The following CASZ1 variants were observed in gnomAD, a reference collection of about 807,000 sequenced individuals.
CASZ1 encodes castor zinc finger 1.
A neutral mutation model predicts 135.2 loss-of-function variants in CASZ1; 28 were observed. The observed-to-expected ratio is 0.21, with a 90% CI of 0.15 to 0.28. The LOEUF (loss-of-function observed/expected upper bound fraction) is 0.28, where lower values mean the gene tolerates loss of function less well. Among genes scored for constraint, CASZ1 ranks in the 10% least tolerant of loss-of-function variants. The pLI is 1.00. For missense variants in CASZ1, 2,161 were observed against 2,453.3 expected, an observed-to-expected ratio of 0.88 and a Z score of 2.52; for synonymous variants, 1,068 against 1,073.4, an observed-to-expected ratio of 0.99 and a Z score of 0.10.
At chr1:10,650,043 A>G (rs75711411) in intron 13 of CASZ1, 2,477 of 153,098 alleles carry the variant, frequency 0.016, 49 homozygotes, top group African/African-American at 0.043. Context: ...AGTGGATGCC[A>G]CGGACCAGTG....
chr1:10,739,606 C>T lies in CASZ1; in HGVS notation c.-77+21095G>A, dbSNP rs1397930989. Among the ~76,000 whole-genome samples, 2 of 152,188 alleles carry T rather than the reference C, an allele frequency of 1.3e-5. No individual in the cohort carries two copies. Among genetic ancestry groups the T allele is most frequent in the African/African-American group, 4.8e-5 (2 of 41,458 alleles). ...CCACTCCCCAAAGAGCCTTCAGGGGCCTTCTTGTCGTTGATCAAAACAACA... is the reference window on the plus strand; with the variant it reads ...CCACTCCCCAAAGAGCCTTCAGGGGTCTTCTTGTCGTTGATCAAAACAACA... On this transcript the variant is annotated intron_variant, in intron 2 of 20. Transcript: ENST00000377022. This position sits in a 1 kb window ranked among gnomAD's most constrained non-coding sequence, Gnocchi z 4.8.
chr1:10,638,991 G>A lies in CASZ1; in HGVS notation c.5231C>T (p.Ala1744Val). The change falls in exon 21 of 21, where the codon GCG becomes GTG. Residue 1744 changes from alanine to valine, a missense_variant. Ala to Val is a moderately conservative substitution (Grantham distance 64). Around this residue, in one of 7 missense-constraint regions of CASZ1, gnomAD observed 185 missense variants for 134.7 expected, o/e 1.37. Coordinates refer to ENST00000377022, the MANE Select transcript of CASZ1 (RefSeq NM_001079843.3). This position sits in a 1 kb window ranked among gnomAD's most constrained non-coding sequence, Gnocchi z 5.9. Reference protein sequence around the residue: ...GARTPALAALAALGAPGPAPT... With the variant: ...GARTPALAALVALGAPGPAPT... The stretch of plus-strand genomic sequence containing the variant: ...CGCGGGGCCGGGGGCGCCCAGGGCC[G>A]CCAGCGCCGCCAAGGCCGGGGTCCG... 1 of 982,320 alleles carries A rather than the reference G, an allele frequency of 1.0e-6. No homozygotes were observed. The highest frequency in any genetic ancestry group is 1.2e-6 in the Non-Finnish European group (1 of 829,398). The allele number at this position is 982,320 out of a possible 1,614,324, so 60.9% of individuals were successfully genotyped here. A position where few individuals can be genotyped will look rare whatever the true frequency, so the allele number is the denominator to read the frequency against.
intron 1 of CASZ1, among the ~76,000 whole-genome samples, chr1:10,761,300 C>T (rs1012157913): frequency 3.9e-5 from 6 of 152,242 alleles, no homozygotes; most frequent in Admixed American, 6.5e-5. Context: ...CTGCTCCCTC[C>T]AGACTTTCCC....
chr1:10,750,431 C>A (rs544932542), intron 2 of CASZ1, among the ~76,000 whole-genome samples: 1 of 152,022 alleles, frequency 6.6e-6, no homozygotes, highest in East Asian at 1.9e-4. Flanking sequence ...CAGGTGCGTG[C>A]GCCACCACAC....
intron 4 of CASZ1, among the ~76,000 whole-genome samples, chr1:10,681,200 C>CT (rs58517587): frequency 0.049 from 7,209 of 146,376 alleles, 222 homozygotes; most frequent in Middle Eastern, 0.12. Context: ...CGTGCCTGAC[C>CT]TTTTTTTTTT....
At position 10,637,566 on chromosome 1, in the gene CASZ1, C is replaced by T. The variant is rs1364333553; in HGVS notation, c.*1376G>A. ...CCTAGGCCTGTTCTCTCCCGGTGGC[C>T]CAATCTGACACCAGCTGGTGGCCTG... On this transcript the variant is annotated 3_prime_UTR_variant, in exon 21 of 21. Coordinates refer to ENST00000377022, the MANE Select transcript of CASZ1 (RefSeq NM_001079843.3). The T allele has an allele frequency of 6.6e-6, 1 of 152,392 alleles. No individual in the cohort carries two copies. Among genetic ancestry groups the T allele is most frequent in the African/African-American group, 2.4e-5 (1 of 41,448 alleles). The allele number at this position is 152,392 out of a possible 1,614,324, so 9.4% of individuals were successfully genotyped here.
rs975789581 is a variant in CASZ1, at chr1:10,699,689, G to A, written c.-23-5777C>T. Among the ~76,000 whole-genome samples the A allele has an allele frequency of 1.8e-4, 27 of 152,216 alleles. No homozygotes were observed. The highest frequency in any genetic ancestry group is 6.5e-4 in the African/African-American group (27 of 41,508). ...AATAAATATCCAAACTGGCCCGGCC[G>A]GATCCTCCACTTTGGAGGGAGAGAG... On this transcript the variant is annotated intron_variant, in intron 3 of 20. Coordinates refer to ENST00000377022, the MANE Select transcript of CASZ1 (RefSeq NM_001079843.3). The surrounding 1 kb of genome is among the most constrained non-coding windows in gnomAD (Gnocchi z 4.6).
Position 10,762,620 on chromosome 1 carries a change from T to G in CASZ1, c.-233-1763A>C, listed in dbSNP as rs779680919. 1.2e-4 allele frequency among the ~76,000 whole-genome samples: 18 copies of G among 152,080 alleles called. No homozygotes were observed. The highest frequency in any genetic ancestry group is 2.4e-4 in the Non-Finnish European group (16 of 68,006). On this transcript the variant is annotated intron_variant, in intron 1 of 20. Coordinates refer to ENST00000377022, the MANE Select transcript of CASZ1 (RefSeq NM_001079843.3). This position sits in a 1 kb window ranked among gnomAD's most constrained non-coding sequence, Gnocchi z 4.1. Reference sequence around the variant, plus strand: ...TACACTCCTACTCCAAGAATCTCCATCTGCTGGGGGTCTCCACTCCAATAT... The same window carrying G: ...TACACTCCTACTCCAAGAATCTCCAGCTGCTGGGGGTCTCCACTCCAATAT...
At chr1:10,712,283 T>A (rs1639301296) in intron 2 of CASZ1, among the ~76,000 whole-genome samples, 1 of 152,034 alleles carries the variant, frequency 6.6e-6, no homozygotes, top group Non-Finnish European at 1.5e-5. Flanking sequence ...GAGGTGGAAG[T>A]TGCAGTGAGC....
Position 10,639,250 on chromosome 1 carries a change from C to T in CASZ1, c.4972G>A (p.Gly1658Arg), listed in dbSNP as rs1456548486. Residue 1658 changes from glycine (G) to arginine (R), a missense_variant, in exon 21 of 21, where the codon GGG (glycine) becomes AGG (arginine). Around this residue, in one of 7 missense-constraint regions of CASZ1, gnomAD observed 185 missense variants for 134.7 expected, o/e 1.37. Coordinates refer to ENST00000377022, the MANE Select transcript of CASZ1 (RefSeq NM_001079843.3). This position sits in a 1 kb window ranked among gnomAD's most constrained non-coding sequence, Gnocchi z 4.0. ...DPGPPDAAAP[G>R]PREGAAAAAA... is the part of the protein sequence containing the mutation. ...GCGGCGGCGGCGCCCTCGCGCGGCC[C>T]GGGGGCGGCGGCGTCGGGCGGGCCG... 4.2e-6 allele frequency: 4 copies of T among 948,380 alleles called. No homozygotes were observed. The highest frequency in any genetic ancestry group is 9.5e-5 in the South Asian group (2 of 21,148). The allele number at this position is 948,380 out of a possible 1,614,324, so 58.7% of individuals were successfully genotyped here.
At position 10,655,718 on chromosome 1, in the gene CASZ1, C is replaced by G. The variant is rs1487250945; in HGVS notation, c.1596G>C (p.Leu532=). The change falls in exon 9 of 21, where the codon CTG becomes CTC. Residue 532 remains leucine, a synonymous_variant. Coordinates refer to ENST00000377022, the MANE Select transcript of CASZ1 (RefSeq NM_001079843.3). ...LQHGFMRFSP[L]DDCSVYYHGC... The stretch of plus-strand genomic sequence containing the variant: ...CGTGGTAGTAGACGCTGCAGTCGTC[C>G]AGCGGGCTGAAACGCATGAAGCCGT... The G allele has an allele frequency of 6.2e-7, 1 of 1,614,070 alleles. No individual in the cohort carries two copies. Among genetic ancestry groups the G allele is most frequent in the Non-Finnish European group, 8.5e-7 (1 of 1,180,012 alleles).
In CASZ1 at chr1:10,660,179, T is replaced by A. The variant is rs1642969053; in HGVS notation, c.863A>T (p.Lys288Met). ...CGACGGCAGGGGCAGGATGGTGGCC[T>A]TGGTCTCCAGGTGGGCCGTGCTGCT... ...LPSSTAHLET[K>M]ATILPLPSHS... Residue 288 changes from lysine to methionine, a missense_variant, in exon 6 of 21, where the codon AAG becomes ATG. Lys to Met is a moderately conservative substitution (Grantham distance 95, BLOSUM62 -1). This residue lies in a region of CASZ1 where 590 missense variants were observed against 609.8 expected (regional missense o/e 0.97). Coordinates refer to ENST00000377022, the MANE Select transcript of CASZ1 (RefSeq NM_001079843.3). 6.2e-7 allele frequency: 1 copy of A among 1,613,644 alleles called. No homozygotes were observed. The highest frequency in any genetic ancestry group is 1.7e-5 in the Admixed American group (1 of 60,008).
rs564447983 is a variant in CASZ1, at chr1:10,640,073, G to A, written c.4163-14C>T. On this transcript the variant is annotated splice_polypyrimidine_tract_variant and intron_variant, in intron 20 of 20. Coordinates refer to ENST00000377022, the MANE Select transcript of CASZ1 (RefSeq NM_001079843.3). ...AGATGGTGTTCCCTGGGGAGGGGCA[G>A]GGAGGTCAGTGCAGAAGAGGGACCC... The A allele has an allele frequency of 1.9e-6, 3 of 1,598,076 alleles. No homozygotes were observed. Among genetic ancestry groups the A allele is most frequent in the South Asian group, 2.2e-5 (2 of 90,344 alleles).
intron 2 of CASZ1, among the ~76,000 whole-genome samples, chr1:10,758,304 C>T (rs571397505): frequency 3.0e-3 from 443 of 149,940 alleles, no homozygotes; most frequent in Non-Finnish European, 5.1e-3. Context: ...GACTGACAGA[C>T]GCCAGACCCT....
chr1:10,662,351 T>C (rs775258247), intron 5 of CASZ1, among the ~76,000 whole-genome samples: 1 of 146,572 alleles, frequency 6.8e-6, no homozygotes, highest in African/African-American at 2.6e-5. Flanking sequence ...CACAATCACA[T>C]ACAACACACA....
chr1:10,781,028 C>T (rs770113417), intron 1 of CASZ1, among the ~76,000 whole-genome samples: 3 of 152,206 alleles, frequency 2.0e-5, no homozygotes, highest in Admixed American at 6.5e-5. Context: ...AGACCCTTCT[C>T]CTGCACCCCC....
At position 10,665,004 on chromosome 1, in the gene CASZ1, G is replaced by A. The variant is rs1643180841; in HGVS notation, c.505+79C>T. ...AGAGCAGGAGTGAGGAGTCGGGTGT[G>A]CTTACCAGACACACTGCCCCTTCCC... On this transcript the variant is annotated intron_variant, in intron 5 of 20. Transcript: ENST00000377022. The A allele has an allele frequency of 3.5e-6, 5 of 1,423,106 alleles. No individual in the cohort carries two copies. The Admixed American group carries it at 8.3e-5, about 24-fold the overall frequency. The allele number at this position is 1,423,106 out of a possible 1,614,324, so 88.2% of individuals were successfully genotyped here.
intron 8 of CASZ1, 88 bp from the exon 9 acceptor site, chr1:10,655,901 TGGC>T: frequency 7.3e-7 from 1 of 1,372,098 alleles, no homozygotes; most frequent in Non-Finnish European, 1.0e-6. Flanking sequence ...GGCCAGGTGC[TGGC>T]CTCAGGTCTC....
intron 2 of CASZ1, among the ~76,000 whole-genome samples, chr1:10,743,586 G>A (rs1256148748): frequency 6.8e-6 from 1 of 146,102 alleles, no homozygotes. Flanking sequence ...TCATATGCCA[G>A]ATGGATTCTT....
Sources: gnomAD v4.1 joint callset for allele counts (sites outside exome capture counted in the v4.1 genomes callset) on GRCh38, gnomAD v4.1.1 for gene constraint, gnomAD v4.1.1 regional missense constraint, Gnocchi (gnomAD v3.1) non-coding constraint, MANE v1.5 for transcripts, NCBI Gene and HGNC (gene_info 2026-07-23, HGNC 2026-07-21) for gene names.